Variants in COMMD10 observed in about 807,000 individuals in gnomAD.
COMMD10 encodes COMM domain-containing protein 10.
In COMMD10, 33 loss-of-function variants were observed where a neutral mutation model predicts 28.9. The observed-to-expected ratio is 1.14, with a 90% CI of 0.87 to 1.53. The LOEUF (loss-of-function observed/expected upper bound fraction) is 1.53. COMMD10 is among the 40% of genes most tolerant of loss of function. The pLI is 0.00. For synonymous variants in COMMD10, 110 were observed against 81.7 expected (o/e 1.35, Z -1.87); for missense variants, 310 against 233.4 (o/e 1.33, Z -2.14).
At chr5:116,114,225 G>C (rs1008231693) in intron 4 of COMMD10, among the ~76,000 whole-genome samples, 14 of 152,024 alleles carry the variant, frequency 9.2e-5, no homozygotes, top group Non-Finnish European at 1.8e-4. Context: ...ACATGAGTTG[G>C]CAGTTCCATG....
chr5:116,200,524 T>A (rs1243110189), intron 5 of COMMD10, among the ~76,000 whole-genome samples: 2 of 152,004 alleles, frequency 1.3e-5, no homozygotes, highest in Non-Finnish European at 2.9e-5. Context: ...TCCTGTTCTT[T>A]TCTCTTTCTT....
At chr5:116,140,229 C>CTGTGTGTGTGTGTGTGTGTG (rs113427747) in intron 5 of COMMD10, among the ~76,000 whole-genome samples, 4 of 122,244 alleles carry the variant, frequency 3.3e-5, no homozygotes, top group African/African-American at 1.7e-4. Flanking sequence ...ACTCATACTA[C>CTGTGTGTGTGTGTGTGTGTG]TATGTGTGTG....
intron 5 of COMMD10, among the ~76,000 whole-genome samples, chr5:116,173,899 A>T (rs1410078737): frequency 6.7e-6 from 1 of 148,952 alleles, no homozygotes; most frequent in Admixed American, 6.7e-5. Flanking sequence ...ATATGAATTC[A>T]TTCCTTAATT....
At chr5:116,250,814 C>G (rs569965714) in intron 5 of COMMD10, among the ~76,000 whole-genome samples, 4 of 151,962 alleles carry the variant, frequency 2.6e-5, no homozygotes, top group Non-Finnish European at 4.4e-5. Flanking sequence ...AGGACCATAT[C>G]TGCAACTGGG....
rs938713515 is a variant in COMMD10, at chr5:116,257,556, G to T, written c.511-33961G>T. ...TGGTTTGCTATTAATAAGTACATAG[G>T]AGTACACAGTAAATGGAAGGCTCAT... is the stretch of plus-strand genomic sequence containing the variant. On this transcript the variant is annotated intron_variant, in intron 5 of 6. Transcript: ENST00000274458. Among the ~76,000 whole-genome samples, 10 of 151,596 alleles carry T rather than the reference G, an allele frequency of 6.6e-5. 1 individual carries two copies. Among genetic ancestry groups the T allele is most frequent in the African/African-American group, 2.4e-4 (10 of 41,100 alleles).
intron 5 of COMMD10, among the ~76,000 whole-genome samples, chr5:116,243,046 C>T (rs1278248542): frequency 6.6e-6 from 1 of 152,030 alleles, no homozygotes; most frequent in African/African-American, 2.4e-5. Context: ...TTAAATAATA[C>T]CCTGGACAGG....
chr5:116,119,183 T>C (rs557551168), intron 4 of COMMD10, among the ~76,000 whole-genome samples: 33 of 152,306 alleles, frequency 2.2e-4, no homozygotes, highest in African/African-American at 6.7e-4. Context: ...GCCAGTCTTA[T>C]GATTTGGTAC....
chr5:116,094,641 A>G (rs939419438), intron 4 of COMMD10, among the ~76,000 whole-genome samples: 20 of 152,172 alleles, frequency 1.3e-4, no homozygotes, highest in Admixed American at 1.2e-3. Flanking sequence ...AATTAGAACT[A>G]CCACACAGTC....
At chr5:116,226,390 A>AGTTCATG (rs1214732562) in intron 5 of COMMD10, among the ~76,000 whole-genome samples, 4 of 149,320 alleles carry the variant, frequency 2.7e-5, no homozygotes, top group Admixed American at 1.4e-4. Context: ...CAAATTTGTA[A>AGTTCATG]GTTCATGTTT....
intron 5 of COMMD10, among the ~76,000 whole-genome samples, chr5:116,280,637 A>C (rs905250072): frequency 7.2e-5 from 11 of 151,816 alleles, no homozygotes; most frequent in African/African-American, 2.7e-4. Context: ...GACTGAATAT[A>C]GTGGATGACA....
At chr5:116,217,038 CAT>C (rs1480603441) in intron 5 of COMMD10, among the ~76,000 whole-genome samples, 1 of 151,822 alleles carries the variant, frequency 6.6e-6, no homozygotes, top group Non-Finnish European at 1.5e-5. Context: ...ATAGTCATTA[CAT>C]AGTCATTAAA....
chr5:116,125,427 T>G (rs909261632), intron 4 of COMMD10, among the ~76,000 whole-genome samples: 3 of 152,218 alleles, frequency 2.0e-5, no homozygotes, highest in Non-Finnish European at 4.4e-5. Context: ...GCGCTGTTAG[T>G]CTGGTGGGTT....
intron 5 of COMMD10, among the ~76,000 whole-genome samples, chr5:116,279,873 G>C (rs1052125287): frequency 6.6e-6 from 1 of 151,600 alleles, no homozygotes; most frequent in African/African-American, 2.4e-5. Context: ...CACCCCATCC[G>C]CTATATTTAT....
Position 116,197,519 on chromosome 5 carries a change from C to A in COMMD10, c.510+63341C>A, listed in dbSNP as rs183626378. Reference sequence around the variant, plus strand: ...ACCTCAGCTTCCTGAGTAGCTGGGACTTGAGTGCCACCAAGCCTGGCTAAT... The same window carrying A: ...ACCTCAGCTTCCTGAGTAGCTGGGAATTGAGTGCCACCAAGCCTGGCTAAT... On this transcript the variant is annotated intron_variant, in intron 5 of 6. Coordinates refer to ENST00000274458, the MANE Select transcript of COMMD10 (RefSeq NM_016144.4). Among the ~76,000 whole-genome samples, 414 of 151,984 alleles carry A rather than the reference C, an allele frequency of 2.7e-3. 2 individuals are homozygous for A. Among genetic ancestry groups the A allele is most frequent in the African/African-American group, 9.6e-3 (397 of 41,470 alleles).
At chr5:116,245,221 CG>C (rs1225973317) in intron 5 of COMMD10, among the ~76,000 whole-genome samples, 1 of 151,906 alleles carries the variant, frequency 6.6e-6, no homozygotes, top group Non-Finnish European at 1.5e-5. Context: ...TGAATACTTC[CG>C]TGCACATAAA....
At chr5:116,220,788 T>C (rs1474081260) in intron 5 of COMMD10, among the ~76,000 whole-genome samples, 1 of 152,158 alleles carries the variant, frequency 6.6e-6, no homozygotes, top group Non-Finnish European at 1.5e-5. Context: ...CCTATGGGAA[T>C]CTGTAGAGTG....
intron 4 of COMMD10, among the ~76,000 whole-genome samples, chr5:116,109,982 G>C (rs1561605647): frequency 6.6e-6 from 1 of 152,138 alleles, no homozygotes; most frequent in Non-Finnish European, 1.5e-5. Flanking sequence ...ACTTTTCCCT[G>C]TTCAGTGTGA....
intron 5 of COMMD10, among the ~76,000 whole-genome samples, chr5:116,164,556 C>T (rs150381759): frequency 6.6e-6 from 1 of 152,262 alleles, no homozygotes; most frequent in Non-Finnish European, 1.5e-5. Context: ...TAAGCAAGAA[C>T]AGTAACTGTC....
At chr5:116,085,258 G>A (rs1580430945) in intron 1 of COMMD10, 165 bp downstream of exon 1, 1 of 662,774 alleles carries the variant, frequency 1.5e-6, no homozygotes, top group Non-Finnish European at 2.6e-6. Flanking sequence ...TCTGCGGAGT[G>A]CGTGGGGCCG....
Sources: allele counts gnomAD v4.1 joint callset (sites outside exome capture counted in the v4.1 genomes callset), GRCh38; gene constraint gnomAD v4.1.1; transcripts MANE v1.5; gene names NCBI Gene and HGNC (gene_info 2026-07-23, HGNC 2026-07-21).